MAGI2: variants seen among roughly 807,000 people sequenced by gnomAD.
The protein encoded by MAGI2 is membrane-associated guanylate kinase, WW and PDZ domain-containing protein 2.
A neutral mutation model predicts 133.3 loss-of-function variants in MAGI2; 35 were observed. The observed-to-expected ratio is 0.26, with a 90% confidence interval of 0.20 to 0.35. The LOEUF (loss-of-function observed/expected upper bound fraction) is 0.35, where lower values mean the gene tolerates loss of function less well. MAGI2 is among the 10% of genes least tolerant of loss of function. The pLI is 1.00. For synonymous variants in MAGI2, 729 were observed against 710.6 expected, an observed-to-expected ratio of 1.03 and a Z score of -0.41; for missense variants, 1,636 against 1,863.4, an observed-to-expected ratio of 0.88 and a Z score of 2.25.
intron 3 of MAGI2, among the ~76,000 whole-genome samples, chr7:78,558,812 C>G (rs1335915890): frequency 6.8e-6 from 1 of 146,944 alleles, no homozygotes; most frequent in East Asian, 2.0e-4. Context: ...TGCAGCTATT[C>G]TAACAATGGA....
intron 1 of MAGI2, among the ~76,000 whole-genome samples, chr7:79,264,044 AT>A (rs927074420): frequency 1.3e-5 from 2 of 152,138 alleles, no homozygotes; most frequent in African/African-American, 4.8e-5. Context: ...AAGCCACCAC[AT>A]TTTTTTAAAG....
intron 7 of MAGI2, among the ~76,000 whole-genome samples, chr7:78,368,448 G>C (rs1793602816): frequency 6.6e-6 from 1 of 152,074 alleles, no homozygotes; most frequent in South Asian, 2.1e-4. Context: ...ATAACTTTAG[G>C]AACATTATAC....
intron 6 of MAGI2, among the ~76,000 whole-genome samples, chr7:78,382,070 T>C (rs954032130): frequency 6.6e-6 from 1 of 152,202 alleles, no homozygotes; most frequent in Non-Finnish European, 1.5e-5. Context: ...ACTGGTTAAA[T>C]GTACATGATA....
At chr7:78,303,037 A>C (rs2151077298) in intron 9 of MAGI2, among the ~76,000 whole-genome samples, 1 of 152,228 alleles carries the variant, frequency 6.6e-6, no homozygotes, top group South Asian at 2.1e-4. Flanking sequence ...GGCAGAAGTG[A>C]TATTTGAACT....
chr7:78,222,495 A>G (rs752102652), intron 10 of MAGI2, among the ~76,000 whole-genome samples: 7 of 152,252 alleles, frequency 4.6e-5, no homozygotes, highest in Non-Finnish European at 8.8e-5. Flanking sequence ...TTACAAATGA[A>G]GTAACTGCAG....
chr7:78,486,797 A>G (rs1043787701), intron 6 of MAGI2: 4 of 434,128 alleles, frequency 9.2e-6, no homozygotes, highest in Non-Finnish European at 1.8e-5. Context: ...CCTATCATGT[A>G]TCTTACTACT....
At chr7:78,729,753 A>G (rs989026282) in intron 2 of MAGI2, among the ~76,000 whole-genome samples, 1 of 152,202 alleles carries the variant, frequency 6.6e-6, no homozygotes, top group Admixed American at 6.5e-5. Context: ...CTGAACATAC[A>G]TTGGTTTGGT....
intron 1 of MAGI2, among the ~76,000 whole-genome samples, chr7:79,207,013 C>A (rs1329205726): frequency 6.6e-6 from 1 of 151,834 alleles, no homozygotes; most frequent in Non-Finnish European, 1.5e-5. Context: ...AATTTAACAA[C>A]CTTTGACAAT....
At chr7:78,332,728 T>C (rs904003939) in intron 9 of MAGI2, among the ~76,000 whole-genome samples, 1 of 148,416 alleles carries the variant, frequency 6.7e-6, no homozygotes, top group Non-Finnish European at 1.5e-5. Flanking sequence ...AGGAGAGTAG[T>C]GGCTAGAAAG....
At chr7:79,062,131 G>T (rs1459149468) in intron 1 of MAGI2, among the ~76,000 whole-genome samples, 1 of 151,990 alleles carries the variant, frequency 6.6e-6, no homozygotes, top group Non-Finnish European at 1.5e-5. Context: ...CCAAACTACA[G>T]GCTCATGATT....
At chr7:78,123,669 C>T (rs1399580401) in intron 20 of MAGI2, among the ~76,000 whole-genome samples, 1 of 152,156 alleles carries the variant, frequency 6.6e-6, no homozygotes, top group African/African-American at 2.4e-5. Context: ...ACGATACTCA[C>T]AACGCTGCAC....
intron 1 of MAGI2, among the ~76,000 whole-genome samples, chr7:79,423,368 T>C (rs1847113514): frequency 7.3e-6 from 1 of 137,296 alleles, no homozygotes; most frequent in Non-Finnish European, 1.5e-5. Flanking sequence ...CAAAATCATC[T>C]GATTTCAAAG....
intron 6 of MAGI2, among the ~76,000 whole-genome samples, chr7:78,374,966 A>C (rs1346193493): frequency 6.6e-6 from 1 of 151,548 alleles, no homozygotes; most frequent in Non-Finnish European, 1.5e-5. Context: ...CAGCCTCCTG[A>C]GTAGCTGGGA....
At chr7:79,107,252 G>T (rs564143091) in intron 1 of MAGI2, among the ~76,000 whole-genome samples, 43 of 152,252 alleles carry the variant, frequency 2.8e-4, no homozygotes, top group African/African-American at 9.9e-4. Flanking sequence ...AATCTCCATT[G>T]CTGGCTTTGA....
chr7:78,243,920 C>G (rs1791459260), intron 10 of MAGI2, among the ~76,000 whole-genome samples: 1 of 151,986 alleles, frequency 6.6e-6, no homozygotes, highest in South Asian at 2.1e-4. Flanking sequence ...ATTCCCTCCT[C>G]TACACTAGGC....
intron 2 of MAGI2, among the ~76,000 whole-genome samples, chr7:78,635,149 T>G (rs1809492455): frequency 6.6e-6 from 1 of 152,198 alleles, no homozygotes; most frequent in African/African-American, 2.4e-5. Flanking sequence ...ACAAAATGCA[T>G]TATCTCCCAA....
rs574624352 is a variant in MAGI2 at position 78,152,970 on chromosome 7, T to C, written c.2845+7055A>G. 2.6e-5 allele frequency among the ~76,000 whole-genome samples: 4 copies of C among 152,354 alleles called. No homozygotes were observed. In the South Asian group the frequency reaches 8.3e-4, roughly 32 times the overall value. ...GTTAAGAACTCTGAAAGGGAACTTG[T>C]TTGTGCAAACCAGTGAGAAATAGAG... On this transcript the variant is annotated intron_variant, in intron 16 of 21. Coordinates refer to ENST00000354212, the MANE Select transcript of MAGI2 (RefSeq NM_012301.4).
At position 78,160,332 on chromosome 7, in the gene MAGI2, T is replaced by A. The variant is rs1177367149; in HGVS notation, c.2597-59A>T. 18 of 1,499,212 alleles carry A rather than the reference T, an allele frequency of 1.2e-5. No individual in the cohort carries two copies. The East Asian group carries it at 3.9e-4, about 33-fold the overall frequency. The allele number at this position is 1,499,212 out of a possible 1,614,324, so 92.9% of individuals were successfully genotyped here. A position where few individuals can be genotyped will look rare whatever the true frequency, so the allele number is the denominator to read the frequency against. ...CCTTACAAGGGTCTCAATGAATGCT[T>A]CCTATGTACTAGGCACTGTTCTAGA... On this transcript the variant is annotated intron_variant, in intron 15 of 21. Transcript: ENST00000354212.
At chr7:78,573,498 C>T (rs1801948601) in intron 3 of MAGI2, among the ~76,000 whole-genome samples, 1 of 138,254 alleles carries the variant, frequency 7.2e-6, no homozygotes, top group Non-Finnish European at 1.5e-5. Context: ...GAGCCTTCTC[C>T]TCCTCTGGGC....
Sources: gnomAD v4.1 joint callset for allele counts (sites outside exome capture counted in the v4.1 genomes callset) on GRCh38, gnomAD v4.1.1 for gene constraint, MANE v1.5 for transcripts, NCBI Gene and HGNC (gene_info 2026-07-23, HGNC 2026-07-21) for gene names.